The following THSD7B variants were observed in gnomAD, a reference collection of about 807,000 sequenced individuals.
The protein encoded by THSD7B is thrombospondin type-1 domain-containing protein 7B.
A neutral mutation model predicts 213.6 loss-of-function variants in THSD7B; 138 were observed. The observed-to-expected ratio is 0.65, with a 90% CI of 0.56 to 0.74. THSD7B has a LOEUF of 0.74. Ranked by LOEUF, THSD7B falls within the 30% of genes least tolerant of loss-of-function variation. The pLI is 0.00. For synonymous variants in THSD7B, 742 were observed against 687.0 expected, an observed-to-expected ratio of 1.08 and a Z score of -1.25; for missense variants, 1,931 against 1,991.5, an observed-to-expected ratio of 0.97 and a Z score of 0.58.
intron 2 of THSD7B, among the ~76,000 whole-genome samples, chr2:136,931,810 TTTAATATATAACACTTATAG>T (rs1238994251): frequency 6.6e-6 from 1 of 152,216 alleles, no homozygotes; most frequent in Non-Finnish European, 1.5e-5. Flanking sequence ...AGGACTAGCT[TTTAATATATAACACTTATAG>T]TATATTGGCA....
intron 2 of THSD7B, among the ~76,000 whole-genome samples, chr2:136,939,973 A>G (rs1684793476): frequency 6.6e-6 from 1 of 152,182 alleles, no homozygotes; most frequent in African/African-American, 2.4e-5. Flanking sequence ...ACTTTTTAAC[A>G]TGTGTAATCA....
At chr2:137,645,183 ATAAGT>A (rs1351128360) in intron 21 of THSD7B, among the ~76,000 whole-genome samples, 1 of 152,226 alleles carries the variant, frequency 6.6e-6, no homozygotes, top group Non-Finnish European at 1.5e-5. Context: ...CAGGAAGTAG[ATAAGT>A]TAAAGTACTT....
intron 2 of THSD7B, among the ~76,000 whole-genome samples, chr2:136,985,132 A>G (rs1558876972): frequency 1.3e-5 from 2 of 152,124 alleles, no homozygotes; most frequent in African/African-American, 2.4e-5. Flanking sequence ...ACATTTGGAA[A>G]ATTTGTAGCC....
At chr2:137,425,116 A>G (rs952725337) in intron 14 of THSD7B, among the ~76,000 whole-genome samples, 13 of 139,344 alleles carry the variant, frequency 9.3e-5, no homozygotes, top group African/African-American at 3.4e-4. Context: ...ATAATAATAC[A>G]ATAAAAATAG....
At chr2:137,071,206 A>T (rs911299425) in intron 3 of THSD7B, among the ~76,000 whole-genome samples, 1 of 152,170 alleles carries the variant, frequency 6.6e-6, no homozygotes, top group African/African-American at 2.4e-5. Context: ...CTGTTTCTCC[A>T]CATCCTCTCT....
chr2:137,363,120 C>G (rs2104938232), intron 12 of THSD7B, among the ~76,000 whole-genome samples: 1 of 152,250 alleles, frequency 6.6e-6, no homozygotes, highest in Non-Finnish European at 1.5e-5. Flanking sequence ...ACTGAACAAC[C>G]TGCTCCTGAA....
chr2:137,050,717 A>C (rs1441782872), intron 2 of THSD7B, among the ~76,000 whole-genome samples: 1 of 152,196 alleles, frequency 6.6e-6, no homozygotes, highest in Non-Finnish European at 1.5e-5. Flanking sequence ...ACACATATTC[A>C]GGCCATGAAT....
intron 12 of THSD7B, among the ~76,000 whole-genome samples, chr2:137,393,923 A>T (rs1686107967): frequency 7.2e-6 from 1 of 138,842 alleles, no homozygotes; most frequent in Non-Finnish European, 1.6e-5. Flanking sequence ...GATGATGAGC[A>T]TTTTTTCATA....
intron 2 of THSD7B, among the ~76,000 whole-genome samples, chr2:137,027,577 C>T (rs534357445): frequency 9.8e-4 from 149 of 152,268 alleles, no homozygotes; most frequent in Admixed American, 4.3e-3. Flanking sequence ...CAGTAACAAA[C>T]ATGTGCTATG....
intron 12 of THSD7B, among the ~76,000 whole-genome samples, chr2:137,343,490 T>C (rs953915922): frequency 7.9e-5 from 12 of 151,926 alleles, no homozygotes; most frequent in Middle Eastern, 3.4e-3. Flanking sequence ...AGGATAATTG[T>C]TTCAGTAATT....
At chr2:137,215,909 T>C (rs967937424) in intron 7 of THSD7B, among the ~76,000 whole-genome samples, 5 of 152,160 alleles carry the variant, frequency 3.3e-5, no homozygotes, top group Non-Finnish European at 7.4e-5. Flanking sequence ...CAGAAGTAAA[T>C]AAAGATAGTG....
chr2:137,418,388 G>T (rs1686844860), intron 14 of THSD7B, among the ~76,000 whole-genome samples: 1 of 152,084 alleles, frequency 6.6e-6, no homozygotes, highest in African/African-American at 2.4e-5. Context: ...AGACCCCTTA[G>T]AATGGGATAC....
At chr2:137,216,266 T>A (rs1054802972) in intron 7 of THSD7B, among the ~76,000 whole-genome samples, 200 of 19,412 alleles carry the variant, frequency 0.01, 1 homozygote, top group African/African-American at 0.03. Flanking sequence ...CCCTGACCCC[T>A]GCCCCCCGCC....
chr2:137,401,458 A>G (rs539106798), intron 12 of THSD7B, among the ~76,000 whole-genome samples: 61 of 152,266 alleles, frequency 4.0e-4, no homozygotes, highest in African/African-American at 1.4e-3. Flanking sequence ...TTGCTTTTAT[A>G]CTAGAACGTT....
intron 1 of THSD7B, among the ~76,000 whole-genome samples, chr2:136,796,820 T>G (rs753213471): frequency 1.3e-5 from 2 of 151,992 alleles, no homozygotes; most frequent in Non-Finnish European, 2.9e-5. Flanking sequence ...GCTTCCATTT[T>G]AAAGACTTGT....
At chr2:136,934,568 T>G (rs956346302) in intron 2 of THSD7B, among the ~76,000 whole-genome samples, 1 of 152,200 alleles carries the variant, frequency 6.6e-6, no homozygotes, top group Non-Finnish European at 1.5e-5. Context: ...TTATATTTGT[T>G]TTGTTTAGCA....
At chr2:137,608,826 A>G (rs1682235766) in intron 17 of THSD7B, among the ~76,000 whole-genome samples, 1 of 152,240 alleles carries the variant, frequency 6.6e-6, no homozygotes, top group Non-Finnish European at 1.5e-5. Flanking sequence ...AGGAAGAGAC[A>G]GTCTTCACTG....
At chr2:136,996,418 T>C (rs1411052762) in intron 2 of THSD7B, among the ~76,000 whole-genome samples, 2 of 152,098 alleles carry the variant, frequency 1.3e-5, no homozygotes, top group African/African-American at 2.4e-5. Context: ...TACAGCTCAT[T>C]GCAGCCTGAA....
intron 7 of THSD7B, among the ~76,000 whole-genome samples, chr2:137,218,623 G>A (rs6733066): frequency 0.96 from 145,472 of 152,016 alleles, 69,660 homozygotes; most frequent in East Asian, 1. Context: ...TACATTAAAG[G>A]AAATTACAGT....
Sources: allele counts gnomAD v4.1 joint callset (sites outside exome capture counted in the v4.1 genomes callset), GRCh38; gene constraint gnomAD v4.1.1; transcripts MANE v1.5; gene names NCBI Gene and HGNC (gene_info 2026-07-23, HGNC 2026-07-21).